Variants in PCDHA11 observed in about 807,000 individuals in gnomAD.
PCDHA11 encodes the protein protocadherin alpha-11.
Under a neutral mutation model 70.3 loss-of-function variants are expected in PCDHA11, and 61 were observed. The observed-to-expected ratio is 0.87, with a 90% CI of 0.71 to 1.07. The LOEUF (loss-of-function observed/expected upper bound fraction) is 1.07, where lower values mean the gene tolerates loss of function less well. Among genes scored for constraint, PCDHA11 ranks in the 50% least tolerant of loss-of-function variants. The probability of loss-of-function intolerance (pLI) is 0.00; values close to 1 mark genes in which losing one functional copy is unlikely to be tolerated. For missense variants in PCDHA11, 1,324 were observed against 1,237.5 expected, an observed-to-expected ratio of 1.07 and a Z score of -1.05; for synonymous variants, 633 against 555.1, an observed-to-expected ratio of 1.14 and a Z score of -1.97.
At chr5:140,910,619 C>T (rs1554194336) in intron 1 of PCDHA11, among the ~76,000 whole-genome samples, 1 of 152,226 alleles carries the variant, frequency 6.6e-6, no homozygotes, top group Non-Finnish European at 1.5e-5. Context: ...TAATCCACTC[C>T]ACCATCCCAA....
Position 140,883,460 on chromosome 5 carries a change from G to C in PCDHA11, c.2391+11966G>C, listed in dbSNP as rs1554178305. 4 of 1,614,138 alleles carry C rather than the reference G, an allele frequency of 2.5e-6. No individual in the cohort carries two copies. The African/African-American group carries it at 5.3e-5, about 22-fold the overall frequency. On this transcript the variant is annotated intron_variant, in intron 1 of 3. Transcript: ENST00000398640. Reference sequence around the variant, plus strand: ...GACGCCGCATGTCCCCTTCAAGCTGGTGTCCACCTACAAGAACTACTACTC... The same window carrying C: ...GACGCCGCATGTCCCCTTCAAGCTGCTGTCCACCTACAAGAACTACTACTC...
chr5:140,996,403 G>A (rs2097725218), intron 3 of PCDHA11, among the ~76,000 whole-genome samples: 2 of 152,216 alleles, frequency 1.3e-5, no homozygotes, highest in South Asian at 4.1e-4. Context: ...AGTTTCAGGT[G>A]GGGCAGGCAG....
intron 1 of PCDHA11, among the ~76,000 whole-genome samples, chr5:140,949,594 G>C (rs914390039): frequency 6.6e-6 from 1 of 151,450 alleles, no homozygotes; most frequent in African/African-American, 2.4e-5. Context: ...ATATTAATGT[G>C]GCCATTCTAG....
intron 1 of PCDHA11, among the ~76,000 whole-genome samples, chr5:140,937,501 C>T (rs2091550832): frequency 6.6e-6 from 1 of 152,126 alleles, no homozygotes; most frequent in Admixed American, 6.5e-5. Context: ...CCCGTAATCC[C>T]AGCTACTCAG....
chr5:140,976,812 G>A (rs2096732233), intron 1 of PCDHA11, among the ~76,000 whole-genome samples: 1 of 152,178 alleles, frequency 6.6e-6, no homozygotes, highest in Non-Finnish European at 1.5e-5. Flanking sequence ...CTGAAGATAT[G>A]CATGTGTCTA....
chr5:140,963,288 G>A (rs908553196), intron 1 of PCDHA11, among the ~76,000 whole-genome samples: 2 of 152,126 alleles, frequency 1.3e-5, no homozygotes, highest in Non-Finnish European at 2.9e-5. Flanking sequence ...ATTTTATAAG[G>A]AGGAGAGAAA....
At chr5:140,981,537 G>C (rs375537131) in intron 2 of PCDHA11, among the ~76,000 whole-genome samples, 2 of 152,290 alleles carry the variant, frequency 1.3e-5, no homozygotes, top group East Asian at 3.9e-4. Context: ...TCGTGCCACT[G>C]TACTCCAGCC....
chr5:140,926,798 C>G, intron 1 of PCDHA11: 2 of 1,455,342 alleles, frequency 1.4e-6, no homozygotes, highest in Non-Finnish European at 1.8e-6. Flanking sequence ...GGAGCGTGCT[C>G]TTCCCCGCGG....
intron 3 of PCDHA11, among the ~76,000 whole-genome samples, chr5:140,994,878 A>G (rs1034578696): frequency 2.0e-5 from 3 of 152,170 alleles, no homozygotes; most frequent in Non-Finnish European, 4.4e-5. Context: ...GAATAAAGAG[A>G]TGTTAGGAAA....
At chr5:140,927,478 C>A (rs959432734) in intron 1 of PCDHA11, 1 of 1,614,062 alleles carries the variant, frequency 6.2e-7, no homozygotes, top group Non-Finnish European at 8.5e-7. Context: ...TCGCGAACAG[C>A]GCGCCACCCA....
At chr5:140,999,526 C>G (rs1429753507) in intron 3 of PCDHA11, among the ~76,000 whole-genome samples, 1 of 152,026 alleles carries the variant, frequency 6.6e-6, no homozygotes, top group Non-Finnish European at 1.5e-5. Context: ...TTTGTTACCC[C>G]CTGGATATGA....
intron 1 of PCDHA11, among the ~76,000 whole-genome samples, chr5:140,912,895 A>G (rs781884731): frequency 4.6e-5 from 7 of 152,212 alleles, no homozygotes; most frequent in Non-Finnish European, 1.0e-4. Context: ...TGTTGATATG[A>G]TGTATCATAT....
At chr5:140,941,255 C>CTTTCTTTCTTTCTTTCTT (rs782490896) in intron 1 of PCDHA11, among the ~76,000 whole-genome samples, 39 of 44,506 alleles carry the variant, frequency 8.8e-4, no homozygotes, top group Middle Eastern at 0.012. Flanking sequence ...TTCTTTCTTT[C>CTTTCTTTCTTTCTTTCTT]TCTTTCTTTC....
chr5:140,884,168 A>G (rs1562800814), intron 1 of PCDHA11: 1 of 1,613,300 alleles, frequency 6.2e-7, no homozygotes, highest in South Asian at 1.1e-5. Context: ...GATCAGCACG[A>G]CGCGCCCTCT....
chr5:140,991,885 A>G (rs1554252463), intron 3 of PCDHA11, among the ~76,000 whole-genome samples: 1 of 152,198 alleles, frequency 6.6e-6, no homozygotes, highest in Non-Finnish European at 1.5e-5. Context: ...GGCTGCCATA[A>G]CAAATTAACA....
At chr5:140,967,254 C>G in intron 1 of PCDHA11, 3 of 1,613,562 alleles carry the variant, frequency 1.9e-6, no homozygotes, top group Non-Finnish European at 2.5e-6. Context: ...TCGGTGGCGC[C>G]TGGAGCGCGC....
At chr5:140,934,988 C>A (rs901740982) in intron 1 of PCDHA11, among the ~76,000 whole-genome samples, 5 of 152,154 alleles carry the variant, frequency 3.3e-5, no homozygotes, top group Non-Finnish European at 7.4e-5. Context: ...AGTGATAACA[C>A]CCTGAATCCT....
intron 1 of PCDHA11, among the ~76,000 whole-genome samples, chr5:140,959,250 G>A (rs2095476529): frequency 6.6e-6 from 1 of 152,030 alleles, no homozygotes. Context: ...GATAGTGCAT[G>A]ACTGTAGTCC....
chr5:140,900,907 T>C (rs1156878452), intron 1 of PCDHA11, among the ~76,000 whole-genome samples: 1 of 152,190 alleles, frequency 6.6e-6, no homozygotes, highest in African/African-American at 2.4e-5. Context: ...ATTTTAACTG[T>C]GGTAAGATGA....
Sources: gnomAD v4.1 joint callset for allele counts (sites outside exome capture counted in the v4.1 genomes callset) on GRCh38, gnomAD v4.1.1 for gene constraint, MANE v1.5 for transcripts, NCBI Gene and HGNC (gene_info 2026-07-23, HGNC 2026-07-21) for gene names.